Variants in WLS observed in about 807,000 individuals in gnomAD.
The protein encoded by WLS is Wnt ligand secretion mediator, also known as protein wntless homolog.
Under a neutral mutation model 62.8 loss-of-function variants are expected in WLS, and 23 were observed. The observed-to-expected ratio is 0.37, with a 90% CI of 0.26 to 0.52. WLS has a LOEUF of 0.52. WLS is among the 20% of genes least tolerant of loss of function. The pLI is 0.92. For synonymous variants in WLS, 246 were observed against 244.1 expected, an observed-to-expected ratio of 1.01 and a Z score of -0.07; for missense variants, 615 against 697.3, an observed-to-expected ratio of 0.88 and a Z score of 1.33.
Position 68,232,200 on chromosome 1 carries a change from A to G in WLS, c.100T>C (p.Leu34=), listed in dbSNP as rs1351322907. The G allele has an allele frequency of 5.0e-6, 8 of 1,613,988 alleles. No individual in the cohort carries two copies. Among genetic ancestry groups the G allele is most frequent in the Non-Finnish European group, 5.9e-6 (7 of 1,180,018 alleles). The part of the protein sequence containing the change: ...FQIIAFLVGG[L]IAPGPTTAVS... ...TGCAGCTCTCCGCACTTACCAATCA[A>G]GCCTCCCACCAGAAAGGCGATGATT... is the stretch of plus-strand genomic sequence containing the variant. The change falls in exon 1 of 12, where the codon TTG becomes CTG. Residue 34 remains leucine (L), a synonymous_variant. Coordinates refer to ENST00000262348, the MANE Select transcript of WLS (RefSeq NM_024911.7).
At chr1:68,151,805 G>A (rs1164993420) in intron 5 of WLS, among the ~76,000 whole-genome samples, 1 of 152,144 alleles carries the variant, frequency 6.6e-6, no homozygotes, top group African/African-American at 2.4e-5. Flanking sequence ...ATAGGTCAGG[G>A]CAAAGGAGAT....
At chr1:68,110,644 C>T (rs532250344) in intron 11 of WLS, among the ~76,000 whole-genome samples, 2 of 139,288 alleles carry the variant, frequency 1.4e-5, no homozygotes, top group Non-Finnish European at 3.1e-5. Context: ...CTAAGAAGCC[C>T]CCAAAAATCT....
intron 1 of WLS, among the ~76,000 whole-genome samples, chr1:68,213,995 C>A (rs1193133523): frequency 6.6e-6 from 1 of 152,218 alleles, no homozygotes; most frequent in Admixed American, 6.5e-5. Context: ...TAAAGCTTCT[C>A]TTCTGCCTTC....
chr1:68,110,700 T>C (rs911791131), intron 11 of WLS, among the ~76,000 whole-genome samples: 2 of 148,440 alleles, frequency 1.3e-5, no homozygotes, highest in African/African-American at 5.0e-5. Flanking sequence ...TCCATATATA[T>C]ATGTGTGTGT....
At chr1:68,186,097 T>C (rs1033034290) in intron 2 of WLS, among the ~76,000 whole-genome samples, 11 of 152,184 alleles carry the variant, frequency 7.2e-5, no homozygotes, top group Non-Finnish European at 1.6e-4. Context: ...AAGCTGTGTA[T>C]CAGGAAATTT....
chr1:68,227,289 G>A (rs537992538), intron 1 of WLS, among the ~76,000 whole-genome samples: 165 of 152,016 alleles, frequency 1.1e-3, no homozygotes, highest in Admixed American at 2.2e-3. Flanking sequence ...GTGGTAGCAG[G>A]TGCCTGTAAT....
chr1:68,218,865 T>C, intron 1 of WLS, among the ~76,000 whole-genome samples: 1 of 152,206 alleles, frequency 6.6e-6, no homozygotes, highest in Middle Eastern at 3.2e-3. Context: ...TCAAGGGCAT[T>C]TATAAAAGCT....
At position 68,232,484 on chromosome 1, in the gene WLS, A is replaced by C; in HGVS notation, c.-185T>G. On this transcript the variant is annotated 5_prime_UTR_variant, in exon 1 of 12. Transcript: ENST00000262348. Reference sequence around the variant, plus strand: ...GCGCCCGCACGGATTCCCCCGGCGCAGCCGGCTCGGGTTCCCCCAATGCCC... The same window carrying C: ...GCGCCCGCACGGATTCCCCCGGCGCCGCCGGCTCGGGTTCCCCCAATGCCC... 1 of 1,289,030 alleles carries C rather than the reference A, an allele frequency of 7.8e-7. No individual in the cohort carries two copies. The allele number at this position is 1,289,030 out of a possible 1,614,324, so 79.8% of individuals were successfully genotyped here.
intron 2 of WLS, among the ~76,000 whole-genome samples, chr1:68,193,426 A>AAAAAAAAAAAAAAAAACAAAC (rs1648466559): frequency 7.8e-6 from 1 of 127,394 alleles, no homozygotes; most frequent in African/African-American, 3.4e-5. Context: ...AAAAAAAAAA[A>AAAAAAAAAAAAAAAAACAAAC]AAAAAAAAAA....
At chr1:68,197,077 C>G (rs1424796593) in intron 1 of WLS, among the ~76,000 whole-genome samples, 1 of 152,132 alleles carries the variant, frequency 6.6e-6, no homozygotes. Flanking sequence ...ATGAACCTAA[C>G]CTTTTTTTCT....
intron 2 of WLS, among the ~76,000 whole-genome samples, chr1:68,177,071 A>T (rs1485031358): frequency 6.6e-6 from 1 of 152,224 alleles, no homozygotes; most frequent in South Asian, 2.1e-4. Flanking sequence ...AAAATATTTT[A>T]ATTTACATGC....
At chr1:68,174,768 G>A (rs1004515304) in intron 2 of WLS, among the ~76,000 whole-genome samples, 4 of 152,114 alleles carry the variant, frequency 2.6e-5, no homozygotes, top group African/African-American at 4.8e-5. Flanking sequence ...CACCTGCCCC[G>A]AATGCCATCT....
downstream of WLS, among the ~76,000 whole-genome samples, chr1:68,122,171 C>A (rs1646371805): frequency 6.6e-6 from 1 of 152,212 alleles, no homozygotes; most frequent in Non-Finnish European, 1.5e-5. Context: ...CTAGAACTGA[C>A]AAGGTGAGGA....
intron 2 of WLS, among the ~76,000 whole-genome samples, chr1:68,180,249 C>A (rs938261237): frequency 2.6e-5 from 4 of 151,918 alleles, no homozygotes; most frequent in Admixed American, 6.6e-5. Flanking sequence ...ACAACTTCAG[C>A]TATTAGAACT....
At chr1:68,127,044 A>T in intron 11 of WLS, 1 of 379,580 alleles carries the variant, frequency 2.6e-6, no homozygotes, top group Non-Finnish European at 5.2e-6. Context: ...AATTTGTTTT[A>T]ATTACCTGCG....
intron 5 of WLS, among the ~76,000 whole-genome samples, chr1:68,152,667 A>T (rs1288460855): frequency 6.6e-6 from 1 of 152,250 alleles, no homozygotes; most frequent in Non-Finnish European, 1.5e-5. Flanking sequence ...GAGAGAACAG[A>T]GGAGAAGACA....
chr1:68,145,570 A>G lies in WLS; in HGVS notation c.1278+299T>C, dbSNP rs571237509. Among the ~76,000 whole-genome samples, 8 of 152,056 alleles carry G rather than the reference A, an allele frequency of 5.3e-5. No individual in the cohort carries two copies. In the South Asian group the frequency reaches 1.0e-3, roughly 20 times the overall value. On this transcript the variant is annotated intron_variant, in intron 9 of 11. Coordinates refer to ENST00000262348, the MANE Select transcript of WLS (RefSeq NM_024911.7). ...AAAATCCCAATTATGCCATAGTCCA[A>G]TCTCCCAGCTAGTATGTAACCTACA...
In WLS at chr1:68,194,208, T is replaced by G. The variant is rs759750763; in HGVS notation, c.126A>C (p.Ala42=). Residue 42 remains alanine (A), a synonymous_variant, in exon 2 of 12, where the codon GCA becomes GCC. Transcript: ENST00000262348. ...CACATTTCACCGACATGTAGGACACTGCCGTTGTGGGCCCTGGAGCTGAAA... is the reference window on the plus strand; with the variant it reads ...CACATTTCACCGACATGTAGGACACGGCCGTTGTGGGCCCTGGAGCTGAAA... ...GGLIAPGPTT[A]VSYMSVKCVD... The G allele has an allele frequency of 7.4e-6, 12 of 1,614,058 alleles. No individual in the cohort carries two copies. In the African/African-American group the frequency reaches 1.1e-4, roughly 14 times the overall value.
intron 2 of WLS, among the ~76,000 whole-genome samples, chr1:68,178,955 C>T (rs146773606): frequency 1.3e-5 from 2 of 152,216 alleles, no homozygotes; most frequent in East Asian, 1.9e-4. Flanking sequence ...GTTATTTATA[C>T]ACTGACTCAC....
Sources: gnomAD v4.1 joint callset for allele counts (sites outside exome capture counted in the v4.1 genomes callset) on GRCh38, gnomAD v4.1.1 for gene constraint, MANE v1.5 for transcripts, NCBI Gene and HGNC (gene_info 2026-07-23, HGNC 2026-07-21) for gene names.